Variants in WWP2 observed in about 807,000 individuals in gnomAD.
WWP2 encodes NEDD4-like E3 ubiquitin-protein ligase WWP2.
WWP2 carries 57 observed loss-of-function variants against 121.0 expected under a neutral mutation model. That is an observed-to-expected ratio of 0.47 (90% CI 0.38 to 0.59). The LOEUF is 0.59. Among genes scored for constraint, WWP2 ranks in the 20% least tolerant of loss-of-function variants. WWP2 has a pLI of 0.00. For missense variants in WWP2, 962 were observed against 1,158.9 expected (o/e 0.83, Z 2.47); for synonymous variants, 449 against 441.3 (o/e 1.02, Z -0.22).
At chr16:69,863,176 A>C (rs1001891418) in intron 6 of WWP2, among the ~76,000 whole-genome samples, 3 of 152,036 alleles carry the variant, frequency 2.0e-5, no homozygotes, top group African/African-American at 7.2e-5. Context: ...CCATACCCTC[A>C]CGCCATACCT....
intron 4 of WWP2, among the ~76,000 whole-genome samples, chr16:69,830,517 A>T (rs2056775435): frequency 6.6e-6 from 1 of 152,204 alleles, no homozygotes. Context: ...TTAATTTAGC[A>T]ATGATAAAGG....
At chr16:69,784,445 A>G (rs547150202) in intron 1 of WWP2, among the ~76,000 whole-genome samples, 1 of 152,196 alleles carries the variant, frequency 6.6e-6, no homozygotes, top group East Asian at 1.9e-4. Context: ...TTTCACTGTG[A>G]TCCCATTCAC....
chr16:69,818,459 A>G (rs930228663), intron 4 of WWP2, among the ~76,000 whole-genome samples: 3 of 152,068 alleles, frequency 2.0e-5, no homozygotes, highest in Admixed American at 1.3e-4. Context: ...TGCCTGCCTC[A>G]GCCTCCCAAA....
At chr16:69,815,956 C>T (rs145896117) in intron 4 of WWP2, among the ~76,000 whole-genome samples, 1 of 152,208 alleles carries the variant, frequency 6.6e-6, no homozygotes, top group East Asian at 1.9e-4. Context: ...CAGGGTCTTA[C>T]TATGTTGCCC....
intron 9 of WWP2, among the ~76,000 whole-genome samples, chr16:69,916,732 A>T (rs1388020068): frequency 1.3e-5 from 2 of 152,152 alleles, no homozygotes; most frequent in Non-Finnish European, 2.9e-5. Context: ...TGTGGCATTC[A>T]ATTGAATGAA....
intron 6 of WWP2, among the ~76,000 whole-genome samples, chr16:69,863,319 T>C (rs2057458553): frequency 1.3e-5 from 2 of 152,176 alleles, no homozygotes; most frequent in South Asian, 2.1e-4. Context: ...GACAAAAGCA[T>C]ACAGCCAGGT....
intron 6 of WWP2, among the ~76,000 whole-genome samples, chr16:69,852,465 G>T (rs1297870783): frequency 6.6e-6 from 1 of 152,080 alleles, no homozygotes; most frequent in Non-Finnish European, 1.5e-5. Context: ...GTAGAAACTG[G>T]GTTTCACCAT....
chr16:69,866,642 C>T (rs115209848), intron 6 of WWP2, among the ~76,000 whole-genome samples: 1 of 152,164 alleles, frequency 6.6e-6, no homozygotes, highest in African/African-American at 2.4e-5. Flanking sequence ...GTCAAAATTT[C>T]CTTCCTTTTT....
intron 4 of WWP2, among the ~76,000 whole-genome samples, chr16:69,816,172 A>G (rs1174391052): frequency 2.6e-5 from 4 of 152,152 alleles, no homozygotes; most frequent in Admixed American, 6.6e-5. Flanking sequence ...TGATTACAAT[A>G]ATACTAGATT....
At chr16:69,821,014 C>T (rs1340563838) in intron 4 of WWP2, among the ~76,000 whole-genome samples, 2 of 152,252 alleles carry the variant, frequency 1.3e-5, no homozygotes, top group African/African-American at 4.8e-5. Context: ...GGGCTGAGCC[C>T]AGTTCCAGCC....
chr16:69,918,556 T>C (rs901555351), intron 10 of WWP2, among the ~76,000 whole-genome samples: 2 of 152,260 alleles, frequency 1.3e-5, no homozygotes. Context: ...AATCCTAAAG[T>C]AGCCTAAGCC....
chr16:69,806,968 TC>T (rs2056290531), intron 4 of WWP2, among the ~76,000 whole-genome samples: 1 of 152,016 alleles, frequency 6.6e-6, no homozygotes, highest in Non-Finnish European at 1.5e-5. Flanking sequence ...ATTCATTCAT[TC>T]ATTCATTCAT....
At chr16:69,808,749 C>A (rs971650066) in intron 4 of WWP2, among the ~76,000 whole-genome samples, 1 of 152,172 alleles carries the variant, frequency 6.6e-6, no homozygotes, top group Non-Finnish European at 1.5e-5. Context: ...TATGAATACA[C>A]CATAATTTAT....
intron 6 of WWP2, among the ~76,000 whole-genome samples, chr16:69,849,231 G>A (rs183958825): frequency 3.9e-5 from 6 of 152,298 alleles, no homozygotes; most frequent in African/African-American, 1.4e-4. Context: ...CAGGGAGGAG[G>A]GGTGGAGGGT....
intron 8 of WWP2, among the ~76,000 whole-genome samples, chr16:69,892,408 T>C (rs967373042): frequency 2.7e-5 from 4 of 147,192 alleles, no homozygotes; most frequent in South Asian, 2.4e-4. Flanking sequence ...TATGTTCTCA[T>C]TGAAACAATG....
At position 69,935,402 on chromosome 16, in the gene WWP2, T is replaced by C. The variant is rs1156583090; in HGVS notation, c.1843-451T>C. On this transcript the variant is annotated intron_variant, in intron 17 of 23. Coordinates refer to ENST00000359154, the MANE Select transcript of WWP2 (RefSeq NM_001270454.2). The surrounding 1 kb of genome is among the most constrained non-coding windows in gnomAD (Gnocchi z 5.2). ...AAAACCCTAGACTATTACTCACCAT[T>C]GGCCGCCAGCTCTCGCTGTCGGCGG... 2.6e-5 allele frequency among the ~76,000 whole-genome samples: 4 copies of C among 152,220 alleles called. No individual in the cohort carries two copies. Among genetic ancestry groups the C allele is most frequent in the Non-Finnish European group, 5.9e-5 (4 of 68,040 alleles).
intron 2 of WWP2, among the ~76,000 whole-genome samples, chr16:69,790,776 A>G (rs1449600172): frequency 1.3e-5 from 2 of 151,928 alleles, no homozygotes; most frequent in Non-Finnish European, 2.9e-5. Flanking sequence ...GGGTTTTGCT[A>G]TGTTGGCCAG....
At chr16:69,778,351 CT>C (rs2055586130) in intron 1 of WWP2, among the ~76,000 whole-genome samples, 3 of 151,880 alleles carry the variant, frequency 2.0e-5, no homozygotes, top group Non-Finnish European at 4.4e-5. Flanking sequence ...CATTGACCCC[CT>C]TCTCCCTCTT....
intron 4 of WWP2, among the ~76,000 whole-genome samples, chr16:69,806,582 C>T (rs1275585377): frequency 6.6e-6 from 1 of 151,584 alleles, no homozygotes; most frequent in East Asian, 1.9e-4. Context: ...TTTCAGTTTT[C>T]CCCCCCATAA....
Sources: gnomAD v4.1 joint callset for allele counts (sites outside exome capture counted in the v4.1 genomes callset) on GRCh38, gnomAD v4.1.1 for gene constraint, Gnocchi (gnomAD v3.1) non-coding constraint, MANE v1.5 for transcripts, NCBI Gene and HGNC (gene_info 2026-07-23, HGNC 2026-07-21) for gene names.